Variants in PKHD1 observed in about 807,000 individuals in gnomAD.
The protein encoded by PKHD1 is PKHD1 ciliary IPT domain containing fibrocystin/polyductin, also known as fibrocystin.
PKHD1 carries 291 observed loss-of-function variants against 412.0 expected under a neutral mutation model. The observed-to-expected ratio is 0.71, with a 90% CI of 0.64 to 0.78. The LOEUF is 0.78. Among genes scored for constraint, PKHD1 ranks in the 30% least tolerant of loss-of-function variants. The probability of loss-of-function intolerance (pLI) is 0.00; values close to 1 mark genes in which losing one functional copy is unlikely to be tolerated. For missense variants in PKHD1, 4,825 were observed against 4,950.7 expected, an observed-to-expected ratio of 0.97 and a Z score of 0.76; for synonymous variants, 1,777 against 1,821.5, an observed-to-expected ratio of 0.98 and a Z score of 0.62.
chr6:51,635,378 C>G (rs1262774779), intron 64 of PKHD1, among the ~76,000 whole-genome samples: 1 of 152,126 alleles, frequency 6.6e-6, no homozygotes, highest in Non-Finnish European at 1.5e-5. Flanking sequence ...CACTGGCTCT[C>G]AATTATCTTA....
Position 51,755,894 on chromosome 6 carries a change from TAAAATACATAAC to T in PKHD1, c.8643-968_8643-957del, listed in dbSNP as rs1338221732. Among the ~76,000 whole-genome samples the T allele has an allele frequency of 2.4e-3, 367 of 152,232 alleles. 1 individual carries two copies. Among genetic ancestry groups the T allele is most frequent in the African/African-American group, 8.4e-3 (348 of 41,548 alleles). On this transcript the variant is annotated intron_variant, in intron 55 of 66. Transcript: ENST00000371117. ...TAAATAAAACATATGTCATTTGTATTAAAATACATAACTTAAATTCTGCCTAGCACATATCTT... is the reference window on the plus strand; with the variant it reads ...TAAATAAAACATATGTCATTTGTATTTTAAATTCTGCCTAGCACATATCTT...
At chr6:51,843,003 C>G (rs1003848666) in intron 50 of PKHD1, among the ~76,000 whole-genome samples, 3 of 152,194 alleles carry the variant, frequency 2.0e-5, no homozygotes, top group Non-Finnish European at 2.9e-5. Flanking sequence ...GAGCGTGGGG[C>G]CAAGCAGCTT....
intron 61 of PKHD1, among the ~76,000 whole-genome samples, chr6:51,651,438 T>C (rs965856054): frequency 3.0e-4 from 45 of 152,080 alleles, no homozygotes; most frequent in Non-Finnish European, 1.3e-4. Context: ...CGAAGTGAAA[T>C]TGTTTAATCT....
In PKHD1 at chr6:51,837,945, A is replaced by G. The variant is rs535555172; in HGVS notation, c.8108-1476T>C. On this transcript the variant is annotated intron_variant, in intron 50 of 66. Transcript: ENST00000371117. The stretch of plus-strand genomic sequence containing the variant: ...CATGCTCTTGACATGTTCTACCTTT[A>G]TCACCACTTCCAAGACTTTGCTTAA... Among the ~76,000 whole-genome samples the G allele has an allele frequency of 3.3e-5, 5 of 152,288 alleles. No individual in the cohort carries two copies. In the South Asian group the frequency reaches 6.2e-4, roughly 19 times the overall value.
chr6:51,906,907 C>A (rs771959421), intron 40 of PKHD1, among the ~76,000 whole-genome samples: 21 of 152,050 alleles, frequency 1.4e-4, no homozygotes, highest in Non-Finnish European at 2.5e-4. Flanking sequence ...TCCTCTACTA[C>A]GCTAAAAAAT....
chr6:51,937,173 C>G (rs1787636779), intron 36 of PKHD1, among the ~76,000 whole-genome samples: 1 of 152,238 alleles, frequency 6.6e-6, no homozygotes, highest in Admixed American at 6.5e-5. Context: ...AATAAGTTAA[C>G]TCTTTCAACC....
intron 55 of PKHD1, among the ~76,000 whole-genome samples, chr6:51,765,970 C>T (rs909603178): frequency 6.6e-6 from 1 of 152,104 alleles, no homozygotes. Flanking sequence ...TTCAGGGAAG[C>T]CTTCTCCAAC....
chr6:51,739,202 G>A (rs1380711500), intron 60 of PKHD1, among the ~76,000 whole-genome samples: 2 of 148,910 alleles, frequency 1.3e-5, no homozygotes, highest in African/African-American at 4.9e-5. Context: ...ATATATGTGT[G>A]CATGTGTATG....
At chr6:51,766,548 A>G (rs1789046266) in intron 55 of PKHD1, among the ~76,000 whole-genome samples, 1 of 151,804 alleles carries the variant, frequency 6.6e-6, no homozygotes, top group African/African-American at 2.4e-5. Context: ...TATGTTTATT[A>G]GCAAGATGTA....
intron 35 of PKHD1, among the ~76,000 whole-genome samples, chr6:51,994,527 G>C (rs531920181): frequency 6.6e-6 from 1 of 152,248 alleles, no homozygotes; most frequent in African/African-American, 2.4e-5. Context: ...GTTACAGATG[G>C]GGAAACTAAG....
intron 60 of PKHD1, among the ~76,000 whole-genome samples, chr6:51,672,462 G>C (rs1408893168): frequency 6.6e-6 from 1 of 152,196 alleles, no homozygotes; most frequent in Non-Finnish European, 1.5e-5. Context: ...ACACATAGCT[G>C]AGATTTGTTT....
In PKHD1 at chr6:51,627,094, A is replaced by G. The variant is rs773169179; in HGVS notation, c.11688T>C (p.Pro3896=). Residue 3896 remains proline, a synonymous_variant, in exon 66 of 67, where the codon CCT becomes CCC. Coordinates refer to ENST00000371117, the MANE Select transcript of PKHD1 (RefSeq NM_138694.4). ...TATTTTGATTATTAGTCTGGGATTC[A>G]GGAATCTCTTCAGGTTTTGTTTCTG... ...KSRKTKPEEI[P]ESQTNNQNIH... is the part of the protein sequence containing the mutation. 6.2e-7 allele frequency: 1 copy of G among 1,611,526 alleles called. No homozygotes were observed. The highest frequency in any genetic ancestry group is 1.1e-5 in the South Asian group (1 of 91,026).
chr6:51,901,541 G>A (rs996788195), intron 43 of PKHD1, among the ~76,000 whole-genome samples: 1 of 151,968 alleles, frequency 6.6e-6, no homozygotes, highest in Admixed American at 6.6e-5. Context: ...GAGTGGGGAG[G>A]AATAGCACTG....
Position 52,079,951 on chromosome 6 carries a change from T to C in PKHD1, c.339A>G (p.Gly113=). 1 of 1,612,306 alleles carries C rather than the reference T, an allele frequency of 6.2e-7. No individual in the cohort carries two copies. The highest frequency in any genetic ancestry group is 2.2e-5 in the East Asian group (1 of 44,872). The change falls in exon 5 of 67, where the codon GGA becomes GGG. Residue 113 remains glycine, a synonymous_variant. Transcript: ENST00000371117. The part of the protein sequence containing the change: ...GLYFLEAYFG[G]QLVSSPNPGP... ...CTGGATTTGGACTGCTTACCAGCTG[T>C]CCCCCGAAGTATGCTTCCAGGAAGT... is the stretch of plus-strand genomic sequence containing the variant.
At chr6:51,653,775 A>T (rs1211800228) in intron 61 of PKHD1, among the ~76,000 whole-genome samples, 1 of 152,134 alleles carries the variant, frequency 6.6e-6, no homozygotes, top group Non-Finnish European at 1.5e-5. Context: ...TTAACAGGGC[A>T]CAAGGACAAT....
At chr6:51,797,364 G>C (rs9370058) in intron 52 of PKHD1, among the ~76,000 whole-genome samples, 89,777 of 151,898 alleles carry the variant, frequency 0.59, 27,193 homozygotes, top group East Asian at 0.83. Context: ...TGTTAATTTT[G>C]TGTCTAAATT....
At chr6:52,078,377 G>A (rs774135391) in intron 5 of PKHD1, among the ~76,000 whole-genome samples, 3 of 152,132 alleles carry the variant, frequency 2.0e-5, no homozygotes, top group Non-Finnish European at 4.4e-5. Flanking sequence ...AGAGGGGAGA[G>A]GAAATGCAGC....
intron 65 of PKHD1, among the ~76,000 whole-genome samples, chr6:51,631,595 T>C (rs1767924436): frequency 6.6e-6 from 1 of 152,174 alleles, no homozygotes; most frequent in Non-Finnish European, 1.5e-5. Context: ...GCTTTTACTT[T>C]GGTTTTGTAG....
chr6:51,642,146 C>T (rs2580013), intron 63 of PKHD1, among the ~76,000 whole-genome samples: 3,855 of 152,088 alleles, frequency 0.025, 177 homozygotes, highest in African/African-American at 0.088. Context: ...GGCATGACAT[C>T]CTTAAGGTTA....
Sources: allele counts gnomAD v4.1 joint callset (sites outside exome capture counted in the v4.1 genomes callset), GRCh38; gene constraint gnomAD v4.1.1; transcripts MANE v1.5; gene names NCBI Gene and HGNC (gene_info 2026-07-23, HGNC 2026-07-21).